SMAD1: variants seen among roughly 807,000 people sequenced by gnomAD.
SMAD1 encodes the protein MAD, mothers against decapentaplegic homolog 1.
SMAD1 carries 6 observed loss-of-function variants against 41.6 expected under a neutral mutation model. The observed-to-expected ratio is 0.14, with a 90% CI of 0.08 to 0.28. SMAD1 has a LOEUF of 0.28. Ranked by LOEUF, SMAD1 falls within the 10% of genes least tolerant of loss-of-function variation. The probability of loss-of-function intolerance (pLI) is 1.00; values close to 1 mark genes in which losing one functional copy is unlikely to be tolerated. For synonymous variants in SMAD1, 206 were observed against 203.2 expected (o/e 1.01, Z -0.12); for missense variants, 379 against 582.6 (o/e 0.65, Z 3.60).
intron 1 of SMAD1, among the ~76,000 whole-genome samples, chr4:145,498,895 T>A (rs2126315409): frequency 6.6e-6 from 1 of 152,364 alleles, no homozygotes; most frequent in Admixed American, 6.5e-5. Flanking sequence ...AGAACACGAA[T>A]ATACTTGAAC....
In SMAD1 at chr4:145,481,976, G is replaced by A. The variant is rs1430687700; in HGVS notation, c.-239G>A. On this transcript the variant is annotated 5_prime_UTR_variant, in exon 1 of 7. Coordinates refer to ENST00000302085, the MANE Select transcript of SMAD1 (RefSeq NM_005900.3). ...GCAGCGCCCGGCCGTCCGGACCCGG[G>A]CCGCGAGACCCCGCTCGCCCGGCCA... is the stretch of plus-strand genomic sequence containing the variant. The A allele has an allele frequency of 6.6e-6, 1 of 152,060 alleles. No individual in the cohort carries two copies. Among genetic ancestry groups the A allele is most frequent in the Non-Finnish European group, 1.5e-5 (1 of 68,064 alleles). The allele number at this position is 152,060 out of a possible 1,614,324, so 9.4% of individuals were successfully genotyped here. A position where few individuals can be genotyped will look rare whatever the true frequency, so the allele number is the denominator to read the frequency against.
rs553959864 is a variant in SMAD1 at position 145,482,037 on chromosome 4, C to T, written c.-178C>T. On this transcript the variant is annotated splice_region_variant and 5_prime_UTR_variant, in exon 1 of 7. Coordinates refer to ENST00000302085, the MANE Select transcript of SMAD1 (RefSeq NM_005900.3). The surrounding 1 kb of genome is among the most constrained non-coding windows in gnomAD (Gnocchi z 4.2). ...CACACGGACGGGCGCGCCGCCAACCCGGTAAAACGAAACAGACCCGAACCG... is the reference window on the plus strand; with the variant it reads ...CACACGGACGGGCGCGCCGCCAACCTGGTAAAACGAAACAGACCCGAACCG... The T allele has an allele frequency of 7.7e-3, 1,178 of 152,142 alleles. 9 individuals are homozygous for T. The highest frequency in any genetic ancestry group is 0.012 in the Non-Finnish European group (808 of 68,020). 9.4% of individuals were successfully genotyped at this position (152,142 alleles called of 1,614,324 possible). A position where few individuals can be genotyped will look rare whatever the true frequency, so the allele number is the denominator to read the frequency against.
chr4:145,529,502 T>C (rs1731211652), intron 2 of SMAD1, among the ~76,000 whole-genome samples: 1 of 152,234 alleles, frequency 6.6e-6, no homozygotes, highest in African/African-American at 2.4e-5. Context: ...TTATGCCACC[T>C]AAATTCATAC....
intron 1 of SMAD1, among the ~76,000 whole-genome samples, chr4:145,495,710 G>C (rs1729035452): frequency 6.7e-6 from 1 of 148,986 alleles, no homozygotes; most frequent in African/African-American, 2.5e-5. Flanking sequence ...CGAACTCTTG[G>C]GCCTAAGTGA....
intron 1 of SMAD1, among the ~76,000 whole-genome samples, chr4:145,488,177 A>T (rs1034879368): frequency 6.6e-6 from 1 of 151,510 alleles, no homozygotes; most frequent in African/African-American, 2.4e-5. Flanking sequence ...CTTAACAAAT[A>T]TTTTTTTTGA....
chr4:145,550,629 G>A (rs544932751), intron 5 of SMAD1, among the ~76,000 whole-genome samples: 86 of 152,144 alleles, frequency 5.7e-4, no homozygotes, highest in Non-Finnish European at 1.0e-3. Flanking sequence ...ATCCATGCCA[G>A]TATTATAGTT....
intron 2 of SMAD1, among the ~76,000 whole-genome samples, chr4:145,537,984 G>T (rs1731707950): frequency 6.6e-6 from 1 of 152,146 alleles, no homozygotes; most frequent in South Asian, 2.1e-4. Flanking sequence ...AGAGGGAGGG[G>T]TCCTCTGAAG....
chr4:145,552,267 A>C (rs1038160855), intron 5 of SMAD1, among the ~76,000 whole-genome samples: 2 of 152,226 alleles, frequency 1.3e-5, no homozygotes, highest in African/African-American at 2.4e-5. Context: ...CTGCTCTAGC[A>C]GCTATTTAAT....
chr4:145,487,434 A>G (rs555761864), intron 1 of SMAD1, among the ~76,000 whole-genome samples: 5 of 152,152 alleles, frequency 3.3e-5, no homozygotes, highest in African/African-American at 1.2e-4. Flanking sequence ...ATGTGGTTTT[A>G]CTCTTTGGTA....
intron 1 of SMAD1, among the ~76,000 whole-genome samples, chr4:145,500,196 C>T (rs1021045013): frequency 1.3e-5 from 2 of 152,154 alleles, no homozygotes; most frequent in Non-Finnish European, 1.5e-5. Context: ...TCGATCCCTG[C>T]GTCCTTCAGT....
chr4:145,502,062 T>G (rs1028783290), intron 1 of SMAD1, among the ~76,000 whole-genome samples: 1 of 152,230 alleles, frequency 6.6e-6, no homozygotes, highest in African/African-American at 2.4e-5. Flanking sequence ...TTAGGATAAC[T>G]GACTCAAAGA....
At position 145,515,030 on chromosome 4, in the gene SMAD1, A is replaced by T. The variant is rs1049300339; in HGVS notation, c.400+17A>T. On this transcript the variant is annotated intron_variant, in intron 2 of 6. Coordinates refer to ENST00000302085, the MANE Select transcript of SMAD1 (RefSeq NM_005900.3). ...AAAGCCCTGGTAAGTGAGTTATTTTATGTTGATGTGCTTTGTGTGCCCAGT... is the reference window on the plus strand; with the variant it reads ...AAAGCCCTGGTAAGTGAGTTATTTTTTGTTGATGTGCTTTGTGTGCCCAGT... 4 of 1,581,720 alleles carry T rather than the reference A, an allele frequency of 2.5e-6. No homozygotes were observed. The African/African-American group carries it at 4.1e-5, about 16-fold the overall frequency.
At chr4:145,535,530 A>G (rs1384411850) in intron 2 of SMAD1, among the ~76,000 whole-genome samples, 1 of 152,224 alleles carries the variant, frequency 6.6e-6, no homozygotes, top group Admixed American at 6.5e-5. Flanking sequence ...TTTTTCTCAT[A>G]TATAGGTGAA....
rs970156662 is a variant in SMAD1 at position 145,494,077 on chromosome 4, T to A, written c.-177+12039T>A. 1.2e-4 allele frequency among the ~76,000 whole-genome samples: 19 copies of A among 152,300 alleles called. 1 individual carries two copies. The highest frequency in any genetic ancestry group is 4.6e-4 in the African/African-American group (19 of 41,564). On this transcript the variant is annotated intron_variant, in intron 1 of 6. Transcript: ENST00000302085. ...CCCAGGCTCTAGTGATTCTCCTGCCTCAGCATCCTGAGTAGCTGGGATTGC... is the reference window on the plus strand; with the variant it reads ...CCCAGGCTCTAGTGATTCTCCTGCCACAGCATCCTGAGTAGCTGGGATTGC...
rs572611263 is a variant in SMAD1 at position 145,535,236 on chromosome 4, A to G, written c.401-4568A>G. On this transcript the variant is annotated intron_variant, in intron 2 of 6. Coordinates refer to ENST00000302085, the MANE Select transcript of SMAD1 (RefSeq NM_005900.3). ...GAAGGTATGGGAAAAAGGCACTCCT[A>G]TGTGACAGTGCAAAATGGTGCAACC... Among the ~76,000 whole-genome samples the G allele has an allele frequency of 3.3e-5, 5 of 152,318 alleles. No homozygotes were observed. In the South Asian group the frequency reaches 1.0e-3, roughly 32 times the overall value.
chr4:145,483,532 T>C (rs1173294876), intron 1 of SMAD1, among the ~76,000 whole-genome samples: 2 of 152,220 alleles, frequency 1.3e-5, no homozygotes, highest in African/African-American at 4.8e-5. Context: ...GCATTTTCAA[T>C]TGGTATAAAT....
rs116480496 is a variant in SMAD1, at chr4:145,495,341, A to G, written c.-177+13303A>G. Among the ~76,000 whole-genome samples the G allele has an allele frequency of 7.2e-3, 1,104 of 152,286 alleles. 19 individuals carry two copies. Among genetic ancestry groups the G allele is most frequent in the African/African-American group, 0.023 (972 of 41,542 alleles). On this transcript the variant is annotated intron_variant, in intron 1 of 6. Transcript: ENST00000302085. ...CTTCCCACTTTCCTTACCCCTTACCACAAATCCTTCAGAGTCCAGAGTACT... is the reference window on the plus strand; with the variant it reads ...CTTCCCACTTTCCTTACCCCTTACCGCAAATCCTTCAGAGTCCAGAGTACT...
At chr4:145,546,246 GC>G (rs1732245595) in intron 4 of SMAD1, 2 of 168,256 alleles carry the variant, frequency 1.2e-5, no homozygotes, top group Non-Finnish European at 2.6e-5. Flanking sequence ...CTTAGTCTTT[GC>G]CAAAAGTAAT....
intron 3 of SMAD1, 106 bp downstream of exon 3, chr4:145,540,167 G>C (rs1731841713): frequency 7.7e-7 from 1 of 1,297,596 alleles, no homozygotes; most frequent in Non-Finnish European, 1.1e-6. Flanking sequence ...TTTCAGCCCT[G>C]GTATATGACA....
Sources: allele counts gnomAD v4.1 joint callset (sites outside exome capture counted in the v4.1 genomes callset), GRCh38; gene constraint gnomAD v4.1.1; non-coding constraint Gnocchi (gnomAD v3.1); transcripts MANE v1.5; gene names NCBI Gene and HGNC (gene_info 2026-07-23, HGNC 2026-07-21).